The following MNAT1 variants were observed in gnomAD, a reference collection of about 807,000 sequenced individuals.
The protein encoded by MNAT1 is MNAT1 component of CDK activating kinase.
MNAT1 carries 43 observed loss-of-function variants against 42.0 expected under a neutral mutation model. That is an observed-to-expected ratio of 1.02 (90% CI 0.80 to 1.32). The LOEUF is 1.32. Ranked by LOEUF, MNAT1 falls within the 40% of genes most tolerant of loss-of-function variation. The pLI is 0.00. For synonymous variants in MNAT1, 118 were observed against 120.0 expected (o/e 0.98, Z 0.11); for missense variants, 306 against 350.4 (o/e 0.87, Z 1.01).
chr14:60,822,830 C>T (rs960522155), intron 6 of MNAT1, among the ~76,000 whole-genome samples: 5 of 151,996 alleles, frequency 3.3e-5, no homozygotes, highest in Non-Finnish European at 5.9e-5. Context: ...AATCTGGACT[C>T]CCTGCAACCT....
rs181374376 is a variant in MNAT1, at chr14:60,907,396, G to C, written c.809+27561G>C. ...TGCAGTGAGCTGAGACCATGCCATT[G>C]CACTCCAGCCTGTGTGACAGAGCAA... On this transcript the variant is annotated intron_variant, in intron 7 of 7. Transcript: ENST00000261245. 1.6e-3 allele frequency among the ~76,000 whole-genome samples: 214 copies of C among 134,002 alleles called. No homozygotes were observed. In the Middle Eastern group the frequency reaches 0.02, roughly 13 times the overall value. The allele number at this position is 134,002 out of a possible 152,430, so 87.9% of individuals were successfully genotyped here. A position where few individuals can be genotyped will look rare whatever the true frequency, so the allele number is the denominator to read the frequency against.
At chr14:60,905,511 T>G (rs950882498) in intron 7 of MNAT1, among the ~76,000 whole-genome samples, 1 of 152,194 alleles carries the variant, frequency 6.6e-6, no homozygotes, top group African/African-American at 2.4e-5. Context: ...AGAAGTCCCA[T>G]GATATGCTAT....
intron 6 of MNAT1, among the ~76,000 whole-genome samples, chr14:60,857,575 GT>G (rs890304526): frequency 4.0e-5 from 6 of 151,528 alleles, no homozygotes; most frequent in Non-Finnish European, 8.8e-5. Flanking sequence ...AGCAGTGGCA[GT>G]TTTTTTTTAT....
At chr14:60,754,881 C>T (rs550529509) in intron 1 of MNAT1, among the ~76,000 whole-genome samples, 12 of 152,216 alleles carry the variant, frequency 7.9e-5, no homozygotes, top group African/African-American at 1.4e-4. Flanking sequence ...CATTCTATAA[C>T]GCATGAAGTA....
At chr14:60,950,515 C>T (rs2036360909) in intron 7 of MNAT1, among the ~76,000 whole-genome samples, 1 of 152,210 alleles carries the variant, frequency 6.6e-6, no homozygotes, top group Non-Finnish European at 1.5e-5. Flanking sequence ...CCATGGCCTG[C>T]AGGCCACATG....
chr14:60,821,764 C>T (rs1170868817), intron 6 of MNAT1, among the ~76,000 whole-genome samples: 1 of 152,084 alleles, frequency 6.6e-6, no homozygotes, highest in African/African-American at 2.4e-5. Context: ...AGATGAGCTT[C>T]CTTAAGGACA....
At chr14:60,916,471 A>T (rs1401588120) in intron 7 of MNAT1, among the ~76,000 whole-genome samples, 1 of 152,096 alleles carries the variant, frequency 6.6e-6, no homozygotes, top group African/African-American at 2.4e-5. Context: ...TCTGGGCAAC[A>T]TAACAAGATC....
chr14:60,908,687 G>A (rs1250939355), intron 7 of MNAT1, among the ~76,000 whole-genome samples: 2 of 152,308 alleles, frequency 1.3e-5, no homozygotes, highest in Admixed American at 1.3e-4. Flanking sequence ...ATTCCATGGT[G>A]TATATGTGCC....
chr14:60,851,204 T>C (rs2033812053), intron 6 of MNAT1, among the ~76,000 whole-genome samples: 2 of 152,166 alleles, frequency 1.3e-5, no homozygotes, highest in African/African-American at 4.8e-5. Flanking sequence ...CTCATCCAAG[T>C]TAAGAAACAA....
chr14:60,753,927 G>T (rs551252683), intron 1 of MNAT1: 1 of 152,302 alleles, frequency 6.6e-6, no homozygotes, highest in African/African-American at 2.4e-5. Context: ...CAAAGACTTT[G>T]TGGCTTTCCA....
intron 1 of MNAT1, among the ~76,000 whole-genome samples, chr14:60,753,224 T>G (rs1424021257): frequency 6.6e-6 from 1 of 152,228 alleles, no homozygotes; most frequent in Non-Finnish European, 1.5e-5. Flanking sequence ...CAATCAAGTT[T>G]CAGCTGGGGC....
At chr14:60,910,399 T>C (rs940834325) in intron 7 of MNAT1, among the ~76,000 whole-genome samples, 3 of 152,192 alleles carry the variant, frequency 2.0e-5, no homozygotes, top group Non-Finnish European at 2.9e-5. Flanking sequence ...CCCTGTCTTG[T>C]GCCAGTTTTC....
chr14:60,893,935 G>C (rs1228807084), intron 7 of MNAT1, among the ~76,000 whole-genome samples: 2 of 152,130 alleles, frequency 1.3e-5, no homozygotes, highest in Non-Finnish European at 2.9e-5. Flanking sequence ...TCAGGATGGT[G>C]CTTTCTTAGT....
intron 1 of MNAT1, among the ~76,000 whole-genome samples, chr14:60,773,950 A>G (rs946036313): frequency 1.3e-5 from 2 of 152,226 alleles, no homozygotes; most frequent in Non-Finnish European, 2.9e-5. Context: ...TAGTTTCCAG[A>G]TTTCTAGTCC....
At chr14:60,945,981 C>T (rs1342250633) in intron 7 of MNAT1, among the ~76,000 whole-genome samples, 1 of 152,178 alleles carries the variant, frequency 6.6e-6, no homozygotes, top group Non-Finnish European at 1.5e-5. Context: ...ACTATAAACT[C>T]GTCCATACTT....
chr14:60,901,924 G>A (rs1170870595), intron 7 of MNAT1, among the ~76,000 whole-genome samples: 1 of 152,208 alleles, frequency 6.6e-6, no homozygotes, highest in Non-Finnish European at 1.5e-5. Flanking sequence ...AAACTGAGCT[G>A]ATAAAGCAGT....
At chr14:60,950,091 G>T (rs537398117) in intron 7 of MNAT1, among the ~76,000 whole-genome samples, 2 of 152,206 alleles carry the variant, frequency 1.3e-5, no homozygotes, top group African/African-American at 4.8e-5. Flanking sequence ...TTGCTTTAGA[G>T]ATTTATCTAA....
intron 6 of MNAT1, among the ~76,000 whole-genome samples, chr14:60,821,777 A>G (rs988708753): frequency 1.3e-5 from 2 of 152,152 alleles, no homozygotes; most frequent in African/African-American, 4.8e-5. Context: ...TAAGGACACA[A>G]TGTGTTCTGT....
At chr14:60,876,033 CCATAGCTAAAA>C (rs557692731) in intron 6 of MNAT1, among the ~76,000 whole-genome samples, 1,787 of 152,118 alleles carry the variant, frequency 0.012, 31 homozygotes, top group Non-Finnish European at 0.014. Flanking sequence ...CCTTTTACCC[CCATAGCTAAAA>C]CATGTGACAC....
Sources: allele counts gnomAD v4.1 joint callset (sites outside exome capture counted in the v4.1 genomes callset), GRCh38; gene constraint gnomAD v4.1.1; transcripts MANE v1.5; gene names NCBI Gene and HGNC (gene_info 2026-07-23, HGNC 2026-07-21).